Variants in CARS2 observed in about 807,000 individuals in gnomAD.
The protein encoded by CARS2 is probable cysteine--tRNA ligase, mitochondrial.
In CARS2, 52 loss-of-function variants were observed where a neutral mutation model predicts 68.8. The ratio of observed to expected loss-of-function variants is 0.76; its 90% confidence interval spans 0.61 to 0.95. The LOEUF is 0.95. CARS2 is among the 40% of genes least tolerant of loss of function. The pLI is 0.00. For missense variants in CARS2, 780 were observed against 754.2 expected (o/e 1.03, Z -0.40); for synonymous variants, 314 against 303.6 (o/e 1.03, Z -0.36).
intron 13 of CARS2, chr13:110,643,909 A>C (rs1887741165): frequency 2.7e-5 from 8 of 296,938 alleles, no homozygotes; most frequent in Middle Eastern, 1.3e-3. Context: ...GGCAGCGTCC[A>C]CCTTCACTGC....
Position 110,646,100 on chromosome 13 carries a change from G to A in CARS2, c.1194-10C>T. 1 of 1,612,204 alleles carries A rather than the reference G, an allele frequency of 6.2e-7. No individual in the cohort carries two copies. The highest frequency in any genetic ancestry group is 1.7e-4 in the Middle Eastern group (1 of 6,014). On this transcript the variant is annotated splice_polypyrimidine_tract_variant and intron_variant, in intron 11 of 14. Coordinates refer to ENST00000257347, the MANE Select transcript of CARS2 (RefSeq NM_024537.4). Reference sequence around the variant, plus strand: ...CTTGGTGCTGGAGAGCCTGAGGGAAGAGGAGAGAACAGTCACAGCAGAGGG... The same window carrying A: ...CTTGGTGCTGGAGAGCCTGAGGGAAAAGGAGAGAACAGTCACAGCAGAGGG...
In CARS2 at chr13:110,668,292, A is replaced by C. The variant is rs1013584396; in HGVS notation, c.786-819T>G. Among the ~76,000 whole-genome samples the C allele has an allele frequency of 1.3e-5, 2 of 151,962 alleles. No homozygotes were observed. Among genetic ancestry groups the C allele is most frequent in the Admixed American group, 6.6e-5 (1 of 15,248 alleles). ...GGCGCGGTGGCTCACGCCTGTAAAC[A>C]CAGCACTTTGGGAGGCTGAGGCAGG... On this transcript the variant is annotated intron_variant, in intron 7 of 14. Transcript: ENST00000257347. This position sits in a 1 kb window ranked among gnomAD's most constrained non-coding sequence, Gnocchi z 4.1.
At chr13:110,666,801 ACT>A in intron 8 of CARS2, 8 of 985,430 alleles carry the variant, frequency 8.1e-6, no homozygotes, top group Non-Finnish European at 9.6e-6. Context: ...AGGTAATAAG[ACT>A]AGTTAATCGT....
intron 6 of CARS2, among the ~76,000 whole-genome samples, chr13:110,677,665 G>A (rs866058388): frequency 2.2e-4 from 8 of 36,808 alleles, no homozygotes; most frequent in African/African-American, 6.8e-4. Context: ...GGGAGACCCA[G>A]ACAATCACAC....
intron 11 of CARS2, chr13:110,646,518 C>A (rs1888139986): frequency 5.9e-6 from 1 of 170,636 alleles, no homozygotes; most frequent in African/African-American, 2.4e-5. Flanking sequence ...GCTGAAGTGG[C>A]AGGGGTGGGT....
chr13:110,649,580 G>A (rs1034042750), intron 10 of CARS2, among the ~76,000 whole-genome samples: 8 of 152,186 alleles, frequency 5.3e-5, no homozygotes, highest in Non-Finnish European at 1.2e-4. Context: ...ACTATGTTTC[G>A]GCTGCATGTC....
At chr13:110,709,082 CTTTTTTTTTTTTT>C (rs113546139), upstream of CARS2, among the ~76,000 whole-genome samples, 78 of 134,524 alleles carry the variant, frequency 5.8e-4, no homozygotes, top group African/African-American at 2.0e-3. Flanking sequence ...TCTCTTTTTT[CTTTTTTTTTTTTT>C]TGAGATGGAG....
At chr13:110,642,610 A>AC in intron 13 of CARS2, 89 bp from the exon 14 acceptor site, 1 of 1,276,086 alleles carries the variant, frequency 7.8e-7, no homozygotes, top group East Asian at 2.3e-5. Context: ...CTGGGCCGAC[A>AC]CCCACCCAGC....
chr13:110,706,901 G>A (rs2063972926), upstream of CARS2, among the ~76,000 whole-genome samples: 1 of 147,994 alleles, frequency 6.8e-6, no homozygotes, highest in Non-Finnish European at 1.5e-5. Flanking sequence ...TACACAGTGT[G>A]CAACCCAGCA....
rs972875880 is a variant in CARS2, at chr13:110,670,337, A to C, written c.786-2864T>G. Among the ~76,000 whole-genome samples the C allele has an allele frequency of 3.9e-5, 6 of 152,166 alleles. No individual in the cohort carries two copies. The highest frequency in any genetic ancestry group is 8.8e-5 in the Non-Finnish European group (6 of 68,018). On this transcript the variant is annotated intron_variant, in intron 7 of 14. Coordinates refer to ENST00000257347, the MANE Select transcript of CARS2 (RefSeq NM_024537.4). The surrounding 1 kb of genome is among the most constrained non-coding windows in gnomAD (Gnocchi z 4.1). ...GGGCTGACTGACACCTCATACAGCC[A>C]GGTGCCCTCTGAGACGAAGCTTCCA...
At chr13:110,679,328 G>A (rs1372126363) in intron 6 of CARS2, among the ~76,000 whole-genome samples, 2 of 151,720 alleles carry the variant, frequency 1.3e-5, no homozygotes, top group Non-Finnish European at 2.9e-5. Flanking sequence ...TCAGGAGTTC[G>A]AGACCAGCCT....
chr13:110,644,309 A>G, intron 13 of CARS2, 76 bp downstream of exon 13: 1 of 1,454,840 alleles, frequency 6.9e-7, no homozygotes, highest in Non-Finnish European at 9.6e-7. Flanking sequence ...GCTCTATTCC[A>G]AGTTAAAAGG....
intron 5 of CARS2, among the ~76,000 whole-genome samples, chr13:110,687,493 C>A (rs944313633): frequency 1.3e-5 from 2 of 151,878 alleles, no homozygotes; most frequent in Admixed American, 6.6e-5. Flanking sequence ...CATGGTGAAA[C>A]CTTATCTCTA....
intron 13 of CARS2, chr13:110,644,178 G>C: frequency 6.8e-7 from 1 of 1,460,808 alleles, no homozygotes; most frequent in Non-Finnish European, 9.1e-7. Context: ...ACGAGAGTTT[G>C]CCAACTGCAG....
At chr13:110,672,735 TAG>T (rs2062835195) in intron 7 of CARS2, among the ~76,000 whole-genome samples, 2 of 151,808 alleles carry the variant, frequency 1.3e-5, no homozygotes, top group African/African-American at 2.4e-5. Flanking sequence ...CTGAAGGAGA[TAG>T]AGACACAAAA....
At chr13:110,694,745 A>G (rs2063571671) in intron 3 of CARS2, among the ~76,000 whole-genome samples, 1 of 152,212 alleles carries the variant, frequency 6.6e-6, no homozygotes, top group African/African-American at 2.4e-5. Flanking sequence ...AACCTATAAA[A>G]TGGTGCCAAA....
chr13:110,706,288 C>T, upstream of CARS2: 1 of 350,840 alleles, frequency 2.9e-6, no homozygotes, highest in Non-Finnish European at 4.9e-6. Context: ...AGAACCAGGG[C>T]CCGAAGAGGT....
In CARS2 at chr13:110,705,787, TC is replaced by T; in HGVS notation, c.224+82del. Reference sequence around the variant, plus strand: ...CCTCCATGCAGCTTCCTAAACGCCCTCCCCGAGCCCAGATCCCGTTCAGCCG... The same window carrying T: ...CCTCCATGCAGCTTCCTAAACGCCCTCCCGAGCCCAGATCCCGTTCAGCCG... On this transcript the variant is annotated intron_variant, in intron 1 of 14. Coordinates refer to ENST00000257347, the MANE Select transcript of CARS2 (RefSeq NM_024537.4). The surrounding 1 kb of genome is among the most constrained non-coding windows in gnomAD (Gnocchi z 4.0). 1 of 1,526,452 alleles carries T rather than the reference TC, an allele frequency of 6.6e-7. No individual in the cohort carries two copies. The highest frequency in any genetic ancestry group is 1.2e-5 in the South Asian group (1 of 82,128). The allele number at this position is 1,526,452 out of a possible 1,614,324, so 94.6% of individuals were successfully genotyped here.
Position 110,678,555 on chromosome 13 carries a change from A to G in CARS2, c.656-1452T>C, listed in dbSNP as rs573475675. Among the ~76,000 whole-genome samples, 3 of 152,360 alleles carry G rather than the reference A, an allele frequency of 2.0e-5. No homozygotes were observed. The East Asian group carries it at 5.8e-4, about 29-fold the overall frequency. On this transcript the variant is annotated intron_variant, in intron 6 of 14. Transcript: ENST00000257347. ...TTCATTACTAGTCACTTTACTAAGA[A>G]TAACATCCTCTGGGCACCCAAGCAA...
Sources: gnomAD v4.1 joint callset for allele counts (sites outside exome capture counted in the v4.1 genomes callset) on GRCh38, gnomAD v4.1.1 for gene constraint, Gnocchi (gnomAD v3.1) non-coding constraint, MANE v1.5 for transcripts, NCBI Gene and HGNC (gene_info 2026-07-23, HGNC 2026-07-21) for gene names.